Variants in PBX3 observed in about 807,000 individuals in gnomAD.
The protein encoded by PBX3 is pre-B-cell leukemia transcription factor 3.
PBX3 carries 14 observed loss-of-function variants against 48.5 expected under a neutral mutation model. The ratio of observed to expected loss-of-function variants is 0.29; its 90% CI spans 0.19 to 0.45. The LOEUF is 0.45. PBX3 is among the 20% of genes least tolerant of loss of function. The probability of loss-of-function intolerance (pLI) is 1.00; values close to 1 mark genes in which losing one functional copy is unlikely to be tolerated. For missense variants in PBX3, 386 were observed against 546.7 expected, an observed-to-expected ratio of 0.71 and a Z score of 2.93; for synonymous variants, 210 against 200.3, an observed-to-expected ratio of 1.05 and a Z score of -0.41.
chr9:125,778,608 T>TTTTC (rs1554853771), intron 2 of PBX3, among the ~76,000 whole-genome samples: 1 of 150,206 alleles, frequency 6.7e-6, no homozygotes, highest in African/African-American at 2.4e-5. Flanking sequence ...ATCTTTTCTT[T>TTTTC]TTTTTTTTTT....
At chr9:125,948,621 A>T (rs1367135961) in intron 5 of PBX3, among the ~76,000 whole-genome samples, 2 of 152,142 alleles carry the variant, frequency 1.3e-5, no homozygotes, top group Non-Finnish European at 2.9e-5. Flanking sequence ...TTATAGCTTT[A>T]TATATAATAT....
chr9:125,798,727 T>C (rs1837855075), intron 2 of PBX3, among the ~76,000 whole-genome samples: 1 of 152,090 alleles, frequency 6.6e-6, no homozygotes, highest in South Asian at 2.1e-4. Context: ...GTAACACATA[T>C]ATATGAACTT....
intron 2 of PBX3, among the ~76,000 whole-genome samples, chr9:125,860,536 GGGTAA>G (rs1250791050): frequency 1.3e-5 from 2 of 152,120 alleles, no homozygotes; most frequent in African/African-American, 2.4e-5. Context: ...TGGGGAAATT[GGGTAA>G]GAAATTCCAG....
intron 2 of PBX3, among the ~76,000 whole-genome samples, chr9:125,794,869 T>A (rs1588153073): frequency 1.3e-5 from 2 of 151,872 alleles, no homozygotes; most frequent in East Asian, 3.9e-4. Flanking sequence ...TTGTGTTCAA[T>A]CTAGCTGGCT....
rs117684985 is a variant in PBX3, at chr9:125,821,564, G to A, written c.274+72941G>A. 6.6e-3 allele frequency among the ~76,000 whole-genome samples: 1,000 copies of A among 152,148 alleles called. 3 individuals are homozygous for A. The highest frequency in any genetic ancestry group is 0.037 in the Middle Eastern group (11 of 294). On this transcript the variant is annotated intron_variant, in intron 2 of 8. Transcript: ENST00000373489. Reference sequence around the variant, plus strand: ...TTGGTAGTATTTCATGGTAAGATTTGTTATTGTCTAAATAAAGAAATCTAT... The same window carrying A: ...TTGGTAGTATTTCATGGTAAGATTTATTATTGTCTAAATAAAGAAATCTAT...
chr9:125,949,466 G>A, intron 5 of PBX3: 1 of 1,550,466 alleles, frequency 6.4e-7, no homozygotes, highest in South Asian at 1.2e-5. Flanking sequence ...CTCCCTGAAG[G>A]TATGAGCCAG....
At chr9:125,760,166 C>T (rs1836626281) in intron 2 of PBX3, among the ~76,000 whole-genome samples, 2 of 152,182 alleles carry the variant, frequency 1.3e-5, no homozygotes, top group East Asian at 3.8e-4. Context: ...TTATTTTGTG[C>T]TCGAATTTCA....
At chr9:125,806,049 A>G (rs1838115389) in intron 2 of PBX3, among the ~76,000 whole-genome samples, 1 of 152,170 alleles carries the variant, frequency 6.6e-6, no homozygotes, top group Non-Finnish European at 1.5e-5. Context: ...CTGCTTGGAG[A>G]AAAACAAGGA....
At chr9:125,929,487 GC>G (rs982511075) in intron 3 of PBX3, among the ~76,000 whole-genome samples, 167 bp from the exon 4 acceptor site, 5 of 152,176 alleles carry the variant, frequency 3.3e-5, no homozygotes, top group African/African-American at 9.7e-5. Context: ...AATTCTTGCT[GC>G]CTTAACTACT....
intron 2 of PBX3, among the ~76,000 whole-genome samples, chr9:125,750,822 T>C (rs1470165526): frequency 1.3e-5 from 2 of 152,222 alleles, no homozygotes. Context: ...GGGATTTAAG[T>C]ACTGAGTGAT....
chr9:125,894,957 A>C (rs1283561272), intron 2 of PBX3, among the ~76,000 whole-genome samples: 1 of 152,112 alleles, frequency 6.6e-6, no homozygotes, highest in Non-Finnish European at 1.5e-5. Flanking sequence ...GTAGTAAAAA[A>C]TCTCTATAAA....
At chr9:125,848,167 A>G (rs1839477924) in intron 2 of PBX3, among the ~76,000 whole-genome samples, 1 of 152,060 alleles carries the variant, frequency 6.6e-6, no homozygotes, top group African/African-American at 2.4e-5. Flanking sequence ...ACAAATCTCT[A>G]GTTTGGCATC....
At chr9:125,796,931 A>G (rs1837800064) in intron 2 of PBX3, among the ~76,000 whole-genome samples, 1 of 152,126 alleles carries the variant, frequency 6.6e-6, no homozygotes. Context: ...ATATTTAAAA[A>G]TTTAGATTTA....
At chr9:125,812,557 A>G (rs929139420) in intron 2 of PBX3, among the ~76,000 whole-genome samples, 7 of 152,260 alleles carry the variant, frequency 4.6e-5, no homozygotes, top group Non-Finnish European at 1.0e-4. Flanking sequence ...TTATTGATCA[A>G]TACAGGGACC....
At chr9:125,796,434 A>G (rs1837781251) in intron 2 of PBX3, among the ~76,000 whole-genome samples, 1 of 152,150 alleles carries the variant, frequency 6.6e-6, no homozygotes, top group African/African-American at 2.4e-5. Flanking sequence ...TTGATGGGAC[A>G]GATATGACAA....
intron 2 of PBX3, among the ~76,000 whole-genome samples, chr9:125,889,906 G>A (rs1251207294): frequency 6.7e-6 from 1 of 149,500 alleles, no homozygotes; most frequent in Admixed American, 6.7e-5. Flanking sequence ...CGCCCCGAAA[G>A]CCGCGGGGCA....
chr9:125,783,023 T>G (rs1334726761), intron 2 of PBX3, among the ~76,000 whole-genome samples: 1 of 152,230 alleles, frequency 6.6e-6, no homozygotes, highest in Non-Finnish European at 1.5e-5. Flanking sequence ...TGTCTCAATG[T>G]GAATCTCTGT....
intron 5 of PBX3, chr9:125,949,366 C>T (rs1027014377): frequency 6.4e-7 from 1 of 1,550,424 alleles, no homozygotes; most frequent in Non-Finnish European, 8.7e-7. Context: ...CATTTTCTTG[C>T]CGGGCATACA....
At chr9:125,824,639 G>A (rs1434822190) in intron 2 of PBX3, among the ~76,000 whole-genome samples, 1 of 151,836 alleles carries the variant, frequency 6.6e-6, no homozygotes, top group Non-Finnish European at 1.5e-5. Flanking sequence ...CAGACTAACA[G>A]GTTCTTATTG....
Sources: gnomAD v4.1 joint callset for allele counts (sites outside exome capture counted in the v4.1 genomes callset) on GRCh38, gnomAD v4.1.1 for gene constraint, MANE v1.5 for transcripts, NCBI Gene and HGNC (gene_info 2026-07-23, HGNC 2026-07-21) for gene names.